The following ITSN1 variants were observed in gnomAD, a reference collection of about 807,000 sequenced individuals.
The protein encoded by ITSN1 is intersectin-1.
A neutral mutation model predicts 239.8 loss-of-function variants in ITSN1; 58 were observed. That is an observed-to-expected ratio of 0.24 (90% CI 0.20 to 0.30). The LOEUF is 0.30. Among genes scored for constraint, ITSN1 ranks in the 10% least tolerant of loss-of-function variants. The pLI, the probability that ITSN1 is intolerant of heterozygous loss-of-function variation, is 1.00. For synonymous variants in ITSN1, 780 were observed against 770.8 expected (o/e 1.01, Z -0.20); for missense variants, 1,558 against 2,103.3 (o/e 0.74, Z 5.07).
Position 33,849,435 on chromosome 21 carries a change from G to A in ITSN1, c.3662-7301G>A, listed in dbSNP as rs193049491. On this transcript the variant is annotated intron_variant, in intron 29 of 39. Transcript: ENST00000381318. ...AGAAATATTAGCTGGGCGTGGTGGC[G>A]CATGCCTGTAATCCCAGCTACTCGG... Among the ~76,000 whole-genome samples the A allele has an allele frequency of 1.7e-3, 257 of 151,640 alleles. 1 individual carries two copies. The highest frequency in any genetic ancestry group is 7.2e-3 in the Admixed American group (109 of 15,222).
intron 12 of ITSN1, among the ~76,000 whole-genome samples, chr21:33,773,242 G>A (rs1284304960): frequency 3.9e-5 from 6 of 151,996 alleles, no homozygotes; most frequent in African/African-American, 1.4e-4. Flanking sequence ...TCCTGACCTC[G>A]GGTGATCCAC....
chr21:33,789,709 G>T lies in ITSN1; in HGVS notation c.1825-4632G>T, dbSNP rs928778402. Among the ~76,000 whole-genome samples the T allele has an allele frequency of 3.9e-5, 6 of 151,992 alleles. No individual in the cohort carries two copies. In the East Asian group the frequency reaches 1.2e-3, roughly 29 times the overall value. Reference sequence around the variant, plus strand: ...TGTTTCACATAATACATGTATTTTTGAGTGTCTCTAAGACCAGATGAAGGA... The same window carrying T: ...TGTTTCACATAATACATGTATTTTTTAGTGTCTCTAAGACCAGATGAAGGA... On this transcript the variant is annotated intron_variant, in intron 16 of 39. Transcript: ENST00000381318.
At chr21:33,728,744 G>A (rs953144181) in intron 4 of ITSN1, among the ~76,000 whole-genome samples, 4 of 152,124 alleles carry the variant, frequency 2.6e-5, no homozygotes, top group African/African-American at 2.4e-5. Flanking sequence ...TACCTTGGTA[G>A]CACTTATCAC....
At chr21:33,653,289 C>G (rs1407947863) in intron 1 of ITSN1, among the ~76,000 whole-genome samples, 1 of 152,132 alleles carries the variant, frequency 6.6e-6, no homozygotes, top group Non-Finnish European at 1.5e-5. Context: ...GCCACCGCAC[C>G]CAGCCGTGAT....
intron 2 of ITSN1, among the ~76,000 whole-genome samples, chr21:33,720,939 A>T (rs959569419): frequency 2.0e-5 from 3 of 152,188 alleles, no homozygotes; most frequent in Admixed American, 2.0e-4. Context: ...TAAAAAAGGA[A>T]TGTGTGCCTC....
At chr21:33,885,227 G>A in intron 37 of ITSN1, 104 bp downstream of exon 37, 1 of 1,091,388 alleles carries the variant, frequency 9.2e-7, no homozygotes, top group Non-Finnish European at 1.4e-6. Context: ...GGACCTAGAG[G>A]AGGGGCATGG....
Position 33,765,094 on chromosome 21 carries a change from T to C in ITSN1, c.789-781T>C, listed in dbSNP as rs1333748865. ...TGCCCATTCATTTATATGTTGTCTA[T>C]GGCTACTTTCTGCCAAAATGACAGA... is the stretch of plus-strand genomic sequence containing the variant. On this transcript the variant is annotated intron_variant, in intron 9 of 39. Coordinates refer to ENST00000381318, the MANE Select transcript of ITSN1 (RefSeq NM_003024.3). Among the ~76,000 whole-genome samples the C allele has an allele frequency of 2.0e-5, 3 of 152,362 alleles. No homozygotes were observed. In the East Asian group the frequency reaches 5.8e-4, roughly 29 times the overall value.
chr21:33,810,583 T>A (rs2834264), intron 20 of ITSN1, among the ~76,000 whole-genome samples: 19,814 of 152,156 alleles, frequency 0.13, 1,654 homozygotes, highest in East Asian at 0.28. Context: ...TTGCACCCTT[T>A]GCTTTCAACT....
intron 14 of ITSN1, among the ~76,000 whole-genome samples, chr21:33,778,166 C>T (rs765303189): frequency 6.6e-6 from 1 of 152,200 alleles, no homozygotes; most frequent in Admixed American, 6.5e-5. Flanking sequence ...AAATATTTCA[C>T]TACATTCCAT....
chr21:33,758,328 T>C (rs2068063784), intron 8 of ITSN1, among the ~76,000 whole-genome samples: 1 of 152,228 alleles, frequency 6.6e-6, no homozygotes, highest in Non-Finnish European at 1.5e-5. Flanking sequence ...TTCCCCAGGC[T>C]GGTCTCGAAC....
chr21:33,704,726 A>G (rs2092167197), intron 1 of ITSN1, among the ~76,000 whole-genome samples: 1 of 152,058 alleles, frequency 6.6e-6, no homozygotes, highest in Admixed American at 6.6e-5. Flanking sequence ...ATTGTAGACT[A>G]TTATCTTTGA....
At chr21:33,774,137 G>A (rs1303299678) in intron 12 of ITSN1, among the ~76,000 whole-genome samples, 1 of 152,148 alleles carries the variant, frequency 6.6e-6, no homozygotes, top group Non-Finnish European at 1.5e-5. Context: ...AGGTGTAGTT[G>A]GATGACCCAT....
rs547703312 is a variant in ITSN1, at chr21:33,768,328, C to T, written c.1042+500C>T. Among the ~76,000 whole-genome samples the T allele has an allele frequency of 2.0e-5, 3 of 152,254 alleles. No individual in the cohort carries two copies. In the South Asian group the frequency reaches 6.2e-4, roughly 32 times the overall value. On this transcript the variant is annotated intron_variant, in intron 11 of 39. Transcript: ENST00000381318. ...ATGGAGTCTCACTCTGTTACCCAGGCAGGAGTGGAGTGGCGCAATCTAGGC... is the reference window on the plus strand; with the variant it reads ...ATGGAGTCTCACTCTGTTACCCAGGTAGGAGTGGAGTGGCGCAATCTAGGC...
chr21:33,829,407 T>G, intron 26 of ITSN1: 1 of 570,178 alleles, frequency 1.8e-6, no homozygotes, highest in South Asian at 2.1e-5. Flanking sequence ...TGCAGCCCAC[T>G]GAGGGCTCAA....
chr21:33,692,618 A>G (rs2091599013), intron 1 of ITSN1, among the ~76,000 whole-genome samples: 1 of 152,194 alleles, frequency 6.6e-6, no homozygotes, highest in Non-Finnish European at 1.5e-5. Context: ...TATACAACAG[A>G]ATAACTTCTT....
intron 29 of ITSN1, among the ~76,000 whole-genome samples, chr21:33,852,127 T>A (rs1978437595): frequency 6.6e-6 from 1 of 152,176 alleles, no homozygotes; most frequent in Admixed American, 6.5e-5. Flanking sequence ...TCCTGTTGTG[T>A]CTCTCCCAAG....
chr21:33,697,610 T>C (rs907508734), intron 1 of ITSN1, among the ~76,000 whole-genome samples: 5 of 152,202 alleles, frequency 3.3e-5, no homozygotes, highest in Admixed American at 6.5e-5. Context: ...AATTTGGCTG[T>C]TAATTTGAAT....
chr21:33,709,775 C>G (rs2092359312), intron 1 of ITSN1, among the ~76,000 whole-genome samples: 1 of 151,992 alleles, frequency 6.6e-6, no homozygotes, highest in Admixed American at 6.6e-5. Flanking sequence ...TTTCTAGATT[C>G]TCTGGGATTT....
Position 33,714,500 on chromosome 21 carries a change from T to G in ITSN1, c.-32-4297T>G, listed in dbSNP as rs144236037. ...TAGCATGGTAAATAACAAATAGTCT[T>G]AGGTGCTTTGTCAGGAACTGATAAT... is the stretch of plus-strand genomic sequence containing the variant. On this transcript the variant is annotated intron_variant, in intron 1 of 39. Coordinates refer to ENST00000381318, the MANE Select transcript of ITSN1 (RefSeq NM_003024.3). Among the ~76,000 whole-genome samples the G allele has an allele frequency of 9.5e-3, 1,443 of 152,292 alleles. 30 individuals are homozygous for G. The highest frequency in any genetic ancestry group is 0.034 in the African/African-American group (1,399 of 41,552).
Sources: allele counts gnomAD v4.1 joint callset (sites outside exome capture counted in the v4.1 genomes callset), GRCh38; gene constraint gnomAD v4.1.1; transcripts MANE v1.5; gene names NCBI Gene and HGNC (gene_info 2026-07-23, HGNC 2026-07-21).